C10orf71: variants seen among roughly 807,000 people sequenced by gnomAD.
C10orf71 encodes cardiac-enriched FHL2-interacting protein.
For missense variants in C10orf71, 1,869 were observed against 1,804.5 expected, an observed-to-expected ratio of 1.04 and a Z score of -0.65; for synonymous variants, 758 against 726.3, an observed-to-expected ratio of 1.04 and a Z score of -0.70.
chr10:49,298,569 G>A (rs1456786529), upstream of C10orf71: 1 of 152,250 alleles, frequency 6.6e-6, no homozygotes, highest in African/African-American at 2.4e-5. Context: ...AGGGTTGAAG[G>A]GAGGCCAGCC....
intron 1 of C10orf71, among the ~76,000 whole-genome samples, chr10:49,307,485 G>A (rs896228945): frequency 9.9e-5 from 15 of 152,228 alleles, no homozygotes; most frequent in African/African-American, 1.9e-4. Flanking sequence ...CTCCAGAAGC[G>A]GTCAGAAACT....
At chr10:49,300,994 G>T (rs775199477) in intron 1 of C10orf71, among the ~76,000 whole-genome samples, 37 of 152,230 alleles carry the variant, frequency 2.4e-4, no homozygotes, top group Non-Finnish European at 8.8e-5. Context: ...CAGGACAGAA[G>T]TAAGTGTCTT....
intron 2 of C10orf71, among the ~76,000 whole-genome samples, chr10:49,316,523 G>A (rs554866153): frequency 6.6e-6 from 1 of 152,288 alleles, no homozygotes; most frequent in African/African-American, 2.4e-5. Context: ...TGTTTAGAAT[G>A]AGGATATAAA....
In C10orf71 at chr10:49,324,400, G is replaced by A; in HGVS notation, c.1855G>A (p.Val619Met). ...GAGAAGCAGTTATGAGAACAAGGAGGTGGAAGGAGAGTTGGAGATGGGTCC... is the reference window on the plus strand; with the variant it reads ...GAGAAGCAGTTATGAGAACAAGGAGATGGAAGGAGAGTTGGAGATGGGTCC... ...AERSSYENKE[V>M]EGELEMGPAG... The change falls in exon 3 of 3, where the codon GTG becomes ATG. Residue 619 changes from valine (V) to methionine (M), a missense_variant. By Grantham distance (21) the Val-to-Met change is conservative (BLOSUM62 1). Transcript: ENST00000374144. 1 of 1,613,046 alleles carries A rather than the reference G, an allele frequency of 6.2e-7. No homozygotes were observed. Among genetic ancestry groups the A allele is most frequent in the East Asian group, 2.2e-5 (1 of 44,850 alleles).
intron 1 of C10orf71, among the ~76,000 whole-genome samples, chr10:49,311,378 T>C (rs1034962353): frequency 6.6e-6 from 1 of 152,216 alleles, no homozygotes; most frequent in East Asian, 1.9e-4. Context: ...CAGGCCTGGG[T>C]TGGCTGCCAG....
intron 1 of C10orf71, among the ~76,000 whole-genome samples, chr10:49,307,647 C>T (rs942959546): frequency 2.6e-5 from 4 of 152,228 alleles, no homozygotes; most frequent in Admixed American, 2.0e-4. Context: ...CACACCTCGT[C>T]CCAACTCTGC....
At chr10:49,309,447 G>A (rs1047834415) in intron 1 of C10orf71, among the ~76,000 whole-genome samples, 4 of 152,184 alleles carry the variant, frequency 2.6e-5, no homozygotes, top group African/African-American at 9.7e-5. Flanking sequence ...CCAGAAACCA[G>A]ATCTGCCAGT....
intron 2 of C10orf71, among the ~76,000 whole-genome samples, chr10:49,317,298 T>C (rs1029689936): frequency 6.6e-6 from 1 of 152,164 alleles, no homozygotes; most frequent in African/African-American, 2.4e-5. Context: ...GGCTTAGCAG[T>C]GCTGGCCAGG....
rs571589333 is a variant in C10orf71 at position 49,325,935 on chromosome 10, G to A, written c.3390G>A (p.Ser1130=). The A allele has an allele frequency of 9.0e-6, 14 of 1,551,286 alleles. No homozygotes were observed. Among genetic ancestry groups the A allele is most frequent in the East Asian group, 7.3e-5 (3 of 40,900 alleles). ...GCTCTGACCCCCTACTTGAGCTGTC[G>A]GCAGAAGACCTCCGGACCCTCTCTC... The part of the protein sequence containing the change: ...EGGSDPLLEL[S]AEDLRTLSPR... Residue 1130 remains serine, a synonymous_variant, in exon 3 of 3, where the codon TCG becomes TCA. Transcript: ENST00000374144.
chr10:49,301,040 C>T (rs147095867), intron 1 of C10orf71, among the ~76,000 whole-genome samples: 398 of 152,254 alleles, frequency 2.6e-3, no homozygotes, highest in African/African-American at 9.0e-3. Context: ...CCTGGAGACC[C>T]TTACTGAAGA....
At chr10:49,316,549 G>C (rs187995776) in intron 2 of C10orf71, among the ~76,000 whole-genome samples, 2 of 152,202 alleles carry the variant, frequency 1.3e-5, no homozygotes, top group Admixed American at 6.5e-5. Flanking sequence ...GATCAGGTAG[G>C]GTTCTTCAGC....
chr10:49,325,445 G>C lies in C10orf71; in HGVS notation c.2900G>C (p.Gly967Ala), dbSNP rs1194876310. Residue 967 changes from glycine to alanine, a missense_variant, in exon 3 of 3, where the codon GGG becomes GCG. By Grantham distance (60) the Gly-to-Ala change is moderately conservative (BLOSUM62 0). Transcript: ENST00000374144. ...CCATCTATGCCTCTGGTGGGAGAGG[G>C]GGACCGGGTGAAGGCACCACCAGAT... ...NFPSMPLVGEGDRVKAPPDAA... is the reference protein window; with the variant it reads ...NFPSMPLVGEADRVKAPPDAA... 6.5e-7 allele frequency: 1 copy of C among 1,550,142 alleles called. No individual in the cohort carries two copies. Among genetic ancestry groups the C allele is most frequent in the Admixed American group, 2.0e-5 (1 of 50,956 alleles).
In C10orf71 at chr10:49,325,577, T is replaced by A. The variant is rs1286703731; in HGVS notation, c.3032T>A (p.Ile1011Lys). The part of the protein sequence containing the change: ...IPTIALPEGD[I>K]EDQPPPWQPE... ...ACCATTGCTTTACCCGAGGGTGACATAGAAGACCAGCCACCCCCATGGCAG... is the reference window on the plus strand; with the variant it reads ...ACCATTGCTTTACCCGAGGGTGACAAAGAAGACCAGCCACCCCCATGGCAG... The change falls in exon 3 of 3, where the codon ATA (isoleucine) becomes AAA (lysine). Residue 1011 changes from isoleucine (I) to lysine (K), a missense_variant. Physicochemically the swap from Ile to Lys is moderately radical, Grantham distance 102 (BLOSUM62 -3). Transcript: ENST00000374144. The A allele has an allele frequency of 1.9e-6, 3 of 1,550,806 alleles. No individual in the cohort carries two copies. Among genetic ancestry groups the A allele is most frequent in the Admixed American group, 2.0e-5 (1 of 50,984 alleles).
chr10:49,298,357 C>G (rs1430360652), upstream of C10orf71, among the ~76,000 whole-genome samples: 3 of 152,206 alleles, frequency 2.0e-5, no homozygotes, highest in African/African-American at 7.2e-5. Flanking sequence ...AAAAAACCCA[C>G]TCTTGCATTA....
chr10:49,323,644 A>G lies in C10orf71; in HGVS notation c.1099A>G (p.Ser367Gly), dbSNP rs763937884. 1.2e-6 allele frequency: 2 copies of G among 1,607,084 alleles called. No individual in the cohort carries two copies. The highest frequency in any genetic ancestry group is 1.7e-6 in the Non-Finnish European group (2 of 1,177,966). The change falls in exon 3 of 3, where the codon AGC becomes GGC. Residue 367 changes from serine to glycine, a missense_variant. Physicochemically the swap from Ser to Gly is moderately conservative, Grantham distance 56. Coordinates refer to ENST00000374144, the MANE Select transcript of C10orf71 (RefSeq NM_001135196.2). ...ATTTGCTGTGGAAGGAAAAGCTCCC[A>G]GCTCACAACCTGATTCTCAAGAGAA... is the stretch of plus-strand genomic sequence containing the variant. ...QVFAVEGKAP[S>G]SQPDSQEKPA...
chr10:49,326,984 CT>C lies in C10orf71; in HGVS notation c.*136del. ...ACACGATCATCAACACATACTTAGC[CT>C]TTTTAGATCCATAAAGTCCAGAAGG... On this transcript the variant is annotated 3_prime_UTR_variant, in exon 3 of 3. Transcript: ENST00000374144. 6.4e-7 allele frequency: 1 copy of C among 1,572,956 alleles called. No homozygotes were observed. Among genetic ancestry groups the C allele is most frequent in the Admixed American group, 1.8e-5 (1 of 56,822 alleles).
chr10:49,327,108 C>A lies in C10orf71; in HGVS notation c.*255C>A. 7.7e-7 allele frequency: 1 copy of A among 1,297,410 alleles called. No homozygotes were observed. Among genetic ancestry groups the A allele is most frequent in the Non-Finnish European group, 1.0e-6 (1 of 965,978 alleles). 80.4% of individuals were successfully genotyped at this position (1,297,410 alleles called of 1,614,324 possible). ...TGGCCCGGTCCCCTCCGTGCCAGTT[C>A]CCAGGCGCACTCTACTCCAGCCCTT... On this transcript the variant is annotated 3_prime_UTR_variant, in exon 3 of 3. Coordinates refer to ENST00000374144, the MANE Select transcript of C10orf71 (RefSeq NM_001135196.2).
In C10orf71 at chr10:49,325,101, C is replaced by T. The variant is rs764702084; in HGVS notation, c.2556C>T (p.His852=). 3.2e-6 allele frequency: 5 copies of T among 1,551,902 alleles called. No homozygotes were observed. In the African/African-American group the frequency reaches 6.8e-5, roughly 21 times the overall value. The change falls in exon 3 of 3, where the codon CAC becomes CAT. Residue 852 remains histidine, a synonymous_variant. Transcript: ENST00000374144. The stretch of plus-strand genomic sequence containing the variant: ...CACCATCTTCTGCTTCAAACAGGCA[C>T]ATGCTGTTTACGATTAAAGACAACA... ...TPSPSSASNR[H]MLFTIKDNTL... is the part of the protein sequence containing the mutation.
In C10orf71 at chr10:49,323,492, G is replaced by T. The variant is rs1463562061; in HGVS notation, c.947G>T (p.Cys316Phe). 6.2e-7 allele frequency: 1 copy of T among 1,613,698 alleles called. No individual in the cohort carries two copies. Among genetic ancestry groups the T allele is most frequent in the East Asian group, 2.2e-5 (1 of 44,872 alleles). ...YGDTTLLREPCPPERTVSPCQ... is the reference protein window; with the variant it reads ...YGDTTLLREPFPPERTVSPCQ... ...GACACGACCTTGCTAAGAGAACCCT[G>T]TCCTCCTGAGCGCACAGTCTCTCCC... Residue 316 changes from cysteine to phenylalanine, a missense_variant, in exon 3 of 3, where the codon TGT becomes TTT. Physicochemically the swap from Cys to Phe is radical, Grantham distance 205. Coordinates refer to ENST00000374144, the MANE Select transcript of C10orf71 (RefSeq NM_001135196.2).
Sources: allele counts gnomAD v4.1 joint callset (sites outside exome capture counted in the v4.1 genomes callset), GRCh38; gene constraint gnomAD v4.1.1; transcripts MANE v1.5; gene names NCBI Gene and HGNC (gene_info 2026-07-23, HGNC 2026-07-21).